DST: variants seen among roughly 807,000 people sequenced by gnomAD.
The protein encoded by DST is bullous pemphigoid antigen.
In DST, 253 loss-of-function variants were observed where a neutral mutation model predicts 875.2. The observed-to-expected ratio is 0.29, with a 90% CI of 0.26 to 0.32. The LOEUF is 0.32. DST is among the 10% of genes least tolerant of loss of function. The pLI, the probability that DST is intolerant of heterozygous loss-of-function variation, is 1.00. For missense variants in DST, 8,287 were observed against 9,111.6 expected, an observed-to-expected ratio of 0.91 and a Z score of 3.68; for synonymous variants, 3,124 against 3,197.1, an observed-to-expected ratio of 0.98 and a Z score of 0.77.
In DST at chr6:56,640,535, T is replaced by G. The variant is rs1456352050; in HGVS notation, c.2098A>C (p.Ile700Leu). 6.2e-7 allele frequency: 1 copy of G among 1,614,230 alleles called. No homozygotes were observed. Residue 700 changes from isoleucine to leucine, a missense_variant, in exon 18 of 104, where the codon ATA becomes CTA. Coordinates refer to ENST00000680361, the MANE Select transcript of DST (RefSeq NM_001374736.1). ...AGCTTTGTCTGTTCTGTTGTCAGTA[T>G]GCGTCCTTTGCTGTACACAGAAGAA... ...ECSSVYSKGR[I>L]LTTEQTKLMI...
chr6:56,608,304 A>T lies in DST; in HGVS notation c.6324T>A (p.Ala2108=). The part of the protein sequence containing the change: ...YKILNGRQKI[A]ALYIPESSQV... ...GAGAACTTTCTGGAATATAAAGAGCAGCTATTTTTTGTCTGCCATTCAGGA... is the reference window on the plus strand; with the variant it reads ...GAGAACTTTCTGGAATATAAAGAGCTGCTATTTTTTGTCTGCCATTCAGGA... The change falls in exon 40 of 104, where the codon GCT becomes GCA. Residue 2108 remains alanine (A), a synonymous_variant. Coordinates refer to ENST00000680361, the MANE Select transcript of DST (RefSeq NM_001374736.1). The T allele has an allele frequency of 1.2e-6, 2 of 1,613,448 alleles. No homozygotes were observed. The highest frequency in any genetic ancestry group is 1.7e-5 in the Admixed American group (1 of 59,988).
intron 4 of DST, among the ~76,000 whole-genome samples, chr6:56,760,553 T>C (rs140619446): frequency 2.6e-5 from 4 of 152,282 alleles, no homozygotes; most frequent in Non-Finnish European, 5.9e-5. Context: ...GATCAGGCCA[T>C]AGATAAAGGC....
At position 56,515,648 on chromosome 6, in the gene DST, C is replaced by G; in HGVS notation, c.18378G>C (p.Leu6126=). Residue 6126 remains leucine, a synonymous_variant, in exon 72 of 104, where the codon CTG becomes CTC. Transcript: ENST00000680361. ...TCTGGCAGATGGTATCATAGTTCTTCAGTACCTTGTCCAGTTTTTTCTAGA... is the reference window on the plus strand; with the variant it reads ...TCTGGCAGATGGTATCATAGTTCTTGAGTACCTTGTCCAGTTTTTTCTAGA... ...QSMKKKLDKV[L]KNYDTICQIN... 2.5e-6 allele frequency: 4 copies of G among 1,608,164 alleles called. No individual in the cohort carries two copies. Among genetic ancestry groups the G allele is most frequent in the Non-Finnish European group, 2.5e-6 (3 of 1,176,738 alleles).
chr6:56,532,271 A>C lies in DST; in HGVS notation c.17108+73T>G, dbSNP rs895527741. The C allele has an allele frequency of 4.4e-4, 609 of 1,381,040 alleles. 1 individual carries two copies. Among genetic ancestry groups the C allele is most frequent in the Non-Finnish European group, 1.9e-4 (191 of 987,140 alleles). 85.5% of individuals were successfully genotyped at this position (1,381,040 alleles called of 1,614,324 possible). A position where few individuals can be genotyped will look rare whatever the true frequency, so the allele number is the denominator to read the frequency against. The stretch of plus-strand genomic sequence containing the variant: ...AAAATCATGATTTGAAGTATTAACA[A>C]AATACAAAATGTCAGTTTTGTAGAC... On this transcript the variant is annotated intron_variant, in intron 64 of 103. Coordinates refer to ENST00000680361, the MANE Select transcript of DST (RefSeq NM_001374736.1).
Position 56,532,486 on chromosome 6 carries a change from G to A in DST, c.16966C>T (p.Arg5656Ter), listed in dbSNP as rs757999534. The change falls in exon 64 of 104, where the codon CGA becomes TGA. Residue 5656 changes from arginine (R) to a stop codon, truncating the protein, a stop_gained. Transcript: ENST00000680361. LOFTEE classifies it high-confidence loss of function. ...TTGATTACCTCCACCGTAGATTTTC[G>A]GTCATCCAACAATCTCTGGAGAAGC... ...QKLLQRLLDD[R>*]KSTVEVIKRE... The A allele has an allele frequency of 1.9e-6, 3 of 1,603,172 alleles. No homozygotes were observed. Among genetic ancestry groups the A allele is most frequent in the Non-Finnish European group, 2.6e-6 (3 of 1,174,626 alleles).
At position 56,757,974 on chromosome 6, in the gene DST, T is replaced by C. The variant is rs2099608173; in HGVS notation, c.626-22685A>G. ...AACCTAATCCTACCCACAAATACAA[T>C]GCTTTCCAACAAACCTACTACTAAG... is the stretch of plus-strand genomic sequence containing the variant. On this transcript the variant is annotated intron_variant, in intron 4 of 103. Transcript: ENST00000680361. Among the ~76,000 whole-genome samples the C allele has an allele frequency of 2.0e-5, 3 of 152,186 alleles. No individual in the cohort carries two copies. In the South Asian group the frequency reaches 6.2e-4, roughly 31 times the overall value.
intron 4 of DST, among the ~76,000 whole-genome samples, chr6:56,817,465 G>A (rs1241274330): frequency 6.6e-6 from 1 of 152,026 alleles, no homozygotes; most frequent in Non-Finnish European, 1.5e-5. Flanking sequence ...AACTTTTGAT[G>A]GGATACTGTG....
intron 5 of DST, among the ~76,000 whole-genome samples, chr6:56,726,473 A>G (rs911595804): frequency 1.3e-5 from 2 of 152,216 alleles, no homozygotes; most frequent in African/African-American, 4.8e-5. Context: ...TTAGTAACTT[A>G]GGGCAAATTA....
At chr6:56,692,408 TAG>T (rs1341288282) in intron 9 of DST, 4 of 1,280,478 alleles carry the variant, frequency 3.1e-6, no homozygotes, top group Non-Finnish European at 4.1e-6. Context: ...TCTGTGTCCT[TAG>T]AAACAGAGGA....
At chr6:56,782,497 T>C (rs2099696137) in intron 4 of DST, among the ~76,000 whole-genome samples, 1 of 152,384 alleles carries the variant, frequency 6.6e-6, no homozygotes, top group Middle Eastern at 3.4e-3. Context: ...CTAGATTTTC[T>C]AGTTTATTTG....
intron 4 of DST, among the ~76,000 whole-genome samples, chr6:56,803,390 T>C (rs775645724): frequency 3.2e-4 from 48 of 152,054 alleles, no homozygotes; most frequent in Non-Finnish European, 6.0e-4. Context: ...AGTGACACTA[T>C]TGATTAAATA....
intron 10 of DST, among the ~76,000 whole-genome samples, chr6:56,663,621 T>G (rs190636644): frequency 6.6e-6 from 1 of 152,374 alleles, no homozygotes; most frequent in Non-Finnish European, 1.5e-5. Context: ...CGCATGTGAC[T>G]GAATCACCGG....
At chr6:56,494,267 T>TAGGA in intron 82 of DST, 87 bp from the exon 83 acceptor site, 1 of 1,239,618 alleles carries the variant, frequency 8.1e-7, no homozygotes, top group South Asian at 1.8e-5. Context: ...CCCAAGCTCC[T>TAGGA]CATCATATAT....
At chr6:56,546,010 A>T (rs2152541915) in intron 61 of DST, among the ~76,000 whole-genome samples, 1 of 152,294 alleles carries the variant, frequency 6.6e-6, no homozygotes, top group Non-Finnish European at 1.5e-5. Context: ...ACGTTTCCAA[A>T]GATATGAATA....
At chr6:56,746,361 C>G (rs1461126099) in intron 4 of DST, among the ~76,000 whole-genome samples, 1 of 152,116 alleles carries the variant, frequency 6.6e-6, no homozygotes, top group Non-Finnish European at 1.5e-5. Flanking sequence ...ACCAATAACT[C>G]TACCTGTAAG....
Position 56,561,424 on chromosome 6 carries a change from C to G in DST, c.14194G>C (p.Glu4732Gln). ...AACCACTGCATCATTGCACTTGATT[C>G]TTCCTGAGCCTTTTGCAATTTGGAG... Reference protein sequence around the residue: ...KLSKLQKAQEESSAMMQWLQK... With the variant: ...KLSKLQKAQEQSSAMMQWLQK... Residue 4732 changes from glutamate (E) to glutamine (Q), a missense_variant, in exon 57 of 104, where the codon GAA becomes CAA. By Grantham distance (29) the Glu-to-Gln change is conservative. Around this residue, in one of 10 missense-constraint regions of DST, gnomAD observed 1,513 missense variants for 1,677.8 expected, o/e 0.90. Transcript: ENST00000680361. 1 of 1,613,874 alleles carries G rather than the reference C, an allele frequency of 6.2e-7. No individual in the cohort carries two copies. The highest frequency in any genetic ancestry group is 8.5e-7 in the Non-Finnish European group (1 of 1,179,812).
chr6:56,810,380 G>C (rs1015341670), intron 4 of DST, among the ~76,000 whole-genome samples: 2 of 152,090 alleles, frequency 1.3e-5, no homozygotes. Context: ...GCATTTTATA[G>C]TAATACACTG....
At chr6:56,891,943 A>G (rs1787764117) in intron 3 of DST, among the ~76,000 whole-genome samples, 1 of 152,176 alleles carries the variant, frequency 6.6e-6, no homozygotes, top group Non-Finnish European at 1.5e-5. Context: ...GGGTGAGGCC[A>G]TCCTCAGATT....
intron 8 of DST, among the ~76,000 whole-genome samples, chr6:56,700,216 G>A (rs2099290939): frequency 6.6e-6 from 1 of 152,156 alleles, no homozygotes; most frequent in Non-Finnish European, 1.5e-5. Flanking sequence ...ACAGTTTCAT[G>A]CTGAAACAAC....
Sources: allele counts gnomAD v4.1 joint callset (sites outside exome capture counted in the v4.1 genomes callset), GRCh38; gene constraint gnomAD v4.1.1; regional missense constraint gnomAD v4.1.1; transcripts MANE v1.5; gene names NCBI Gene and HGNC (gene_info 2026-07-23, HGNC 2026-07-21).